Variants in GSE1 observed in about 807,000 individuals in gnomAD.
GSE1 encodes Gse1 coiled-coil protein.
Under a neutral mutation model 112.6 loss-of-function variants are expected in GSE1, and 32 were observed. The observed-to-expected ratio is 0.28, with a 90% CI of 0.21 to 0.38. The LOEUF (loss-of-function observed/expected upper bound fraction) is 0.38. Ranked by LOEUF, GSE1 falls within the 10% of genes least tolerant of loss-of-function variation. The pLI is 1.00. For synonymous variants in GSE1, 1,115 were observed against 735.6 expected (o/e 1.52, Z -8.35); for missense variants, 2,348 against 1,699.2 (o/e 1.38, Z -6.71).
intron 1 of GSE1, among the ~76,000 whole-genome samples, chr16:85,183,159 A>G (rs1490611494): frequency 6.6e-6 from 1 of 152,016 alleles, no homozygotes; most frequent in Non-Finnish European, 1.5e-5. Context: ...ACACCTGCAC[A>G]GTCATTTGCA....
chr16:85,453,262 C>T (rs895724065), intron 2 of GSE1, among the ~76,000 whole-genome samples: 3 of 152,120 alleles, frequency 2.0e-5, no homozygotes, highest in Non-Finnish European at 2.9e-5. Context: ...CACGGTGGCT[C>T]GGGGACCCTG....
intron 2 of GSE1, among the ~76,000 whole-genome samples, chr16:85,482,063 T>G (rs1433783051): frequency 2.0e-5 from 3 of 152,122 alleles, no homozygotes; most frequent in African/African-American, 7.2e-5. Flanking sequence ...TCCCCACCCA[T>G]GAAGGGAGCC....
intron 1 of GSE1, among the ~76,000 whole-genome samples, chr16:85,559,905 C>G (rs1598181294): frequency 6.6e-6 from 1 of 152,090 alleles, no homozygotes; most frequent in South Asian, 2.1e-4. Flanking sequence ...ACTGGCCACG[C>G]CTAAAATCTT....
At chr16:85,400,039 C>G (rs917287900) in intron 2 of GSE1, among the ~76,000 whole-genome samples, 1 of 152,226 alleles carries the variant, frequency 6.6e-6, no homozygotes, top group Admixed American at 6.5e-5. Flanking sequence ...AACACAGGGG[C>G]CTCCTGCAGG....
chr16:85,481,825 G>C (rs767539137), intron 2 of GSE1, among the ~76,000 whole-genome samples: 2 of 152,196 alleles, frequency 1.3e-5, no homozygotes, highest in African/African-American at 4.8e-5. Context: ...CATGTTTTGG[G>C]GCCCAGAGAT....
At chr16:85,588,101 G>A (rs1233364281) in intron 1 of GSE1, among the ~76,000 whole-genome samples, 5 of 152,166 alleles carry the variant, frequency 3.3e-5, no homozygotes, top group Non-Finnish European at 5.9e-5. Flanking sequence ...CTTTGGTGGT[G>A]GGCGACGCTG....
intron 1 of GSE1, among the ~76,000 whole-genome samples, chr16:85,256,867 A>G (rs1428101618): frequency 6.6e-6 from 1 of 152,228 alleles, no homozygotes. Flanking sequence ...CGCAACGCAA[A>G]ATTCAGTTCC....
At position 85,665,993 on chromosome 16, in the gene GSE1, G is replaced by A. The variant is rs1290372124; in HGVS notation, c.2776G>A (p.Ala926Thr). 3 of 1,613,470 alleles carry A rather than the reference G, an allele frequency of 1.9e-6. No individual in the cohort carries two copies. Among genetic ancestry groups the A allele is most frequent in the Middle Eastern group, 1.6e-4 (1 of 6,062 alleles). The change falls in exon 13 of 16, where the codon GCC becomes ACC. Residue 926 changes from alanine to threonine, a missense_variant. Coordinates refer to ENST00000253458, the MANE Select transcript of GSE1 (RefSeq NM_014615.5). ...VSLSEPATQQASLDVEKPVGV... is the reference protein window; with the variant it reads ...VSLSEPATQQTSLDVEKPVGV... ...TCTAAAAGAACCAGCCACGCAGCAA[G>A]CCTCTCTGGATGTGGAGAAGCCGGT...
chr16:85,647,509 G>T (rs1026601335), intron 2 of GSE1, among the ~76,000 whole-genome samples: 1 of 152,218 alleles, frequency 6.6e-6, no homozygotes, highest in African/African-American at 2.4e-5. Context: ...GGGTCACCCT[G>T]AATGGCTGCC....
chr16:85,459,162 T>C (rs900753), intron 2 of GSE1, among the ~76,000 whole-genome samples: 151,332 of 152,286 alleles, frequency 0.99, 75,201 homozygotes, highest in Middle Eastern at 1. Context: ...GGCATCGGGG[T>C]GAAGTCAGAG....
chr16:85,186,223 C>T (rs1440494492), intron 1 of GSE1, among the ~76,000 whole-genome samples: 1 of 152,176 alleles, frequency 6.6e-6, no homozygotes, highest in East Asian at 1.9e-4. Context: ...GTAATCCCGG[C>T]AGTTTGAGAG....
chr16:85,654,982 C>A lies in GSE1; in HGVS notation c.788C>A (p.Pro263Gln). Residue 263 changes from proline to glutamine, a missense_variant, in exon 5 of 16, where the codon CCG becomes CAG. Transcript: ENST00000253458. ...SYLAPHPFPH[P>Q]AFRMDDSYCL... ...CTGGCCCCACACCCCTTCCCCCACC[C>A]GGCCTTCAGGTGAGGCATCCCCCAC... 1 of 1,587,516 alleles carries A rather than the reference C, an allele frequency of 6.3e-7. No individual in the cohort carries two copies.
intron 1 of GSE1, among the ~76,000 whole-genome samples, chr16:85,574,898 G>A (rs1158405366): frequency 6.6e-6 from 1 of 152,154 alleles, no homozygotes; most frequent in East Asian, 1.9e-4. Flanking sequence ...CTCCAGGCAG[G>A]CGGGGGATTT....
intron 1 of GSE1, among the ~76,000 whole-genome samples, chr16:85,595,941 C>T (rs1476438698): frequency 7.1e-6 from 1 of 141,164 alleles, no homozygotes; most frequent in Non-Finnish European, 1.5e-5. Context: ...TCCACCCACC[C>T]ACCCATTCCT....
At chr16:85,454,194 T>C (rs1403029394) in intron 2 of GSE1, among the ~76,000 whole-genome samples, 13 of 152,282 alleles carry the variant, frequency 8.5e-5, no homozygotes, top group Non-Finnish European at 5.9e-5. Flanking sequence ...GGGCCCTGTG[T>C]GGAGCCTTTC....
upstream of GSE1, among the ~76,000 whole-genome samples, chr16:85,608,774 GC>G (rs2047829109): frequency 6.6e-6 from 1 of 152,246 alleles, no homozygotes; most frequent in Non-Finnish European, 1.5e-5. Flanking sequence ...CTTGTTAGGT[GC>G]TTGGTGAATG....
intron 5 of GSE1, 97 bp from the exon 6 acceptor site, chr16:85,655,620 CCCACGCTCA>C: frequency 2.9e-6 from 2 of 684,226 alleles, no homozygotes; most frequent in Non-Finnish European, 5.0e-6. Context: ...TGTCACGTTC[CCCACGCTCA>C]GGCAGGTGTG....
Position 85,666,206 on chromosome 16 carries a change from C to T in GSE1, c.2989C>T (p.Pro997Ser), listed in dbSNP as rs768956926. ...GCTTCACTATATCCGGGGCGCTGCA[C>T]CCAAGGACATTCCTGTGCCGCTGTC... The part of the protein sequence containing the change: ...SMLHYIRGAA[P>S]KDIPVPLSHS... Residue 997 changes from proline (P) to serine (S), a missense_variant, in exon 13 of 16, where the codon CCC (proline) becomes TCC (serine). Coordinates refer to ENST00000253458, the MANE Select transcript of GSE1 (RefSeq NM_014615.5). 4.0e-5 allele frequency: 64 copies of T among 1,613,568 alleles called. No individual in the cohort carries two copies. The African/African-American group carries it at 7.2e-4, about 18-fold the overall frequency.
intron 1 of GSE1, among the ~76,000 whole-genome samples, chr16:85,309,279 T>C (rs1279084688): frequency 6.6e-6 from 1 of 152,110 alleles, no homozygotes; most frequent in African/African-American, 2.4e-5. Flanking sequence ...AGAGGATCGC[T>C]TGAAGCCAGG....
Sources: gnomAD v4.1 joint callset for allele counts (sites outside exome capture counted in the v4.1 genomes callset) on GRCh38, gnomAD v4.1.1 for gene constraint, MANE v1.5 for transcripts, NCBI Gene and HGNC (gene_info 2026-07-23, HGNC 2026-07-21) for gene names.